LRRIQ3: variants seen among roughly 807,000 people sequenced by gnomAD.
LRRIQ3 encodes the protein leucine rich repeats and IQ motif containing 3.
Under a neutral mutation model 59.3 loss-of-function variants are expected in LRRIQ3, and 75 were observed. The ratio of observed to expected loss-of-function variants is 1.26; its 90% CI spans 1.05 to 1.53. LRRIQ3 has a LOEUF of 1.53. Ranked by LOEUF, LRRIQ3 falls within the 40% of genes most tolerant of loss-of-function variation. The pLI is 0.00. For synonymous variants in LRRIQ3, 250 were observed against 231.3 expected (o/e 1.08, Z -0.73); for missense variants, 831 against 710.0 (o/e 1.17, Z -1.94).
chr1:74,195,600 C>G (rs1312474516), intron 1 of LRRIQ3, among the ~76,000 whole-genome samples: 1 of 152,138 alleles, frequency 6.6e-6, no homozygotes, highest in African/African-American at 2.4e-5. Flanking sequence ...TTCAGATACT[C>G]TCTACTCTCC....
chr1:74,061,316 A>G (rs1442341241), intron 6 of LRRIQ3, among the ~76,000 whole-genome samples: 3 of 152,328 alleles, frequency 2.0e-5, no homozygotes, highest in South Asian at 4.1e-4. Context: ...TTCCATGTTC[A>G]TTGATAGGAA....
intron 4 of LRRIQ3, among the ~76,000 whole-genome samples, chr1:74,137,695 A>T (rs1557634593): frequency 6.6e-6 from 1 of 152,104 alleles, no homozygotes; most frequent in Non-Finnish European, 1.5e-5. Context: ...AACCAACCCA[A>T]ATGTCCATCA....
At chr1:74,084,960 C>A (rs899081171) in intron 5 of LRRIQ3, among the ~76,000 whole-genome samples, 1 of 151,646 alleles carries the variant, frequency 6.6e-6, no homozygotes, top group East Asian at 1.9e-4. Flanking sequence ...CCAAGTTCTA[C>A]TATAACAGGA....
chr1:74,100,064 A>G (rs552370715), intron 5 of LRRIQ3, among the ~76,000 whole-genome samples: 1 of 152,168 alleles, frequency 6.6e-6, no homozygotes, highest in Non-Finnish European at 1.5e-5. Context: ...CAGGGCAATC[A>G]GGCAGGAGAA....
chr1:74,093,056 G>T (rs1055941443), intron 5 of LRRIQ3, among the ~76,000 whole-genome samples: 6 of 151,914 alleles, frequency 3.9e-5, no homozygotes, highest in African/African-American at 1.4e-4. Flanking sequence ...CTTTCTACTT[G>T]CTTAAGGATA....
intron 6 of LRRIQ3, among the ~76,000 whole-genome samples, chr1:74,057,504 T>G (rs76366507): frequency 0.039 from 5,918 of 152,178 alleles, 148 homozygotes; most frequent in South Asian, 0.13. Context: ...ACAAGGACAG[T>G]CTTTTTAATA....
At chr1:74,133,595 A>G (rs922404822) in intron 4 of LRRIQ3, among the ~76,000 whole-genome samples, 16 of 152,158 alleles carry the variant, frequency 1.1e-4, no homozygotes, top group Non-Finnish European at 1.9e-4. Flanking sequence ...CATCATTCTC[A>G]GCAAACTATT....
At chr1:74,097,884 C>T (rs1343925624) in intron 5 of LRRIQ3, among the ~76,000 whole-genome samples, 2 of 152,050 alleles carry the variant, frequency 1.3e-5, no homozygotes, top group Non-Finnish European at 2.9e-5. Flanking sequence ...CAGGCCTGCC[C>T]TAAAAGAGCT....
chr1:74,162,070 A>AT (rs1278339580), intron 3 of LRRIQ3, among the ~76,000 whole-genome samples: 2 of 151,874 alleles, frequency 1.3e-5, no homozygotes, highest in Non-Finnish European at 2.9e-5. Context: ...TGTTTTCATC[A>AT]TTTGTAAAAT....
At chr1:74,060,563 T>C (rs1055448151) in intron 6 of LRRIQ3, among the ~76,000 whole-genome samples, 7 of 152,114 alleles carry the variant, frequency 4.6e-5, no homozygotes, top group African/African-American at 1.7e-4. Flanking sequence ...TATTTTCTAA[T>C]GTCATTTGTA....
chr1:74,178,363 T>C (rs1404129163), intron 3 of LRRIQ3, among the ~76,000 whole-genome samples: 2 of 152,096 alleles, frequency 1.3e-5, no homozygotes, highest in African/African-American at 2.4e-5. Flanking sequence ...TGTTTAACTG[T>C]ATATTCTTTT....
At chr1:74,173,512 C>G (rs1385938213) in intron 3 of LRRIQ3, among the ~76,000 whole-genome samples, 1 of 151,698 alleles carries the variant, frequency 6.6e-6, no homozygotes, top group Non-Finnish European at 1.5e-5. Context: ...TTTTGTGTAT[C>G]TACCATAGGT....
At chr1:74,079,685 A>G (rs1646251588) in intron 5 of LRRIQ3, among the ~76,000 whole-genome samples, 1 of 151,834 alleles carries the variant, frequency 6.6e-6, no homozygotes. Context: ...CTGACACTCA[A>G]TAAATACTCA....
At chr1:74,046,664 C>T (rs1007187445) in intron 6 of LRRIQ3, among the ~76,000 whole-genome samples, 3 of 152,014 alleles carry the variant, frequency 2.0e-5, no homozygotes, top group African/African-American at 4.8e-5. Context: ...AACAGGCAAC[C>T]TATAGAATGG....
chr1:74,062,929 A>G (rs1427033923), intron 6 of LRRIQ3, among the ~76,000 whole-genome samples: 1 of 152,114 alleles, frequency 6.6e-6, no homozygotes, highest in Non-Finnish European at 1.5e-5. Context: ...CCAAACCCAT[A>G]TAACATACAA....
intron 4 of LRRIQ3, among the ~76,000 whole-genome samples, chr1:74,132,616 A>AG (rs1647044580): frequency 6.6e-6 from 1 of 152,054 alleles, no homozygotes; most frequent in Non-Finnish European, 1.5e-5. Flanking sequence ...AAATGGGGAA[A>AG]GATTCCCTAT....
Position 74,041,553 on chromosome 1 carries a change from G to A in LRRIQ3, c.1378C>T (p.His460Tyr), listed in dbSNP as rs758931088. 1.2e-5 allele frequency: 20 copies of A among 1,612,866 alleles called. No individual in the cohort carries two copies. Among genetic ancestry groups the A allele is most frequent in the Non-Finnish European group, 1.7e-5 (20 of 1,179,722 alleles). Residue 460 changes from histidine to tyrosine, a missense_variant, in exon 7 of 8, where the codon CAT becomes TAT. Transcript: ENST00000354431. ...RERVRVAVNE[H>Y]LNQKKYATQK... Reference sequence around the variant, plus strand: ...GTAGCATATTTTTTCTGATTCAAATGTTCATTAACAGCTACTCTAACTCTT... The same window carrying A: ...GTAGCATATTTTTTCTGATTCAAATATTCATTAACAGCTACTCTAACTCTT...
intron 3 of LRRIQ3, among the ~76,000 whole-genome samples, chr1:74,162,717 G>C (rs932187284): frequency 1.3e-5 from 2 of 151,462 alleles, no homozygotes; most frequent in Non-Finnish European, 3.0e-5. Flanking sequence ...CTACTTCCAC[G>C]TTTTTAGTTC....
At chr1:74,128,812 T>C (rs1323360749) in intron 4 of LRRIQ3, among the ~76,000 whole-genome samples, 2 of 152,122 alleles carry the variant, frequency 1.3e-5, no homozygotes, top group African/African-American at 4.8e-5. Flanking sequence ...TAGTCATATA[T>C]ACATTAGGGG....
Sources: allele counts gnomAD v4.1 joint callset (sites outside exome capture counted in the v4.1 genomes callset), GRCh38; gene constraint gnomAD v4.1.1; transcripts MANE v1.5; gene names NCBI Gene and HGNC (gene_info 2026-07-23, HGNC 2026-07-21).